METAP1: variants seen among roughly 807,000 people sequenced by gnomAD.
METAP1 encodes the protein methionine aminopeptidase 1.
In METAP1, 28 loss-of-function variants were observed where a neutral mutation model predicts 53.8. The ratio of observed to expected loss-of-function variants is 0.52; its 90% CI spans 0.39 to 0.71. METAP1 has a LOEUF of 0.71. Among genes scored for constraint, METAP1 ranks in the 30% least tolerant of loss-of-function variants. The pLI is 0.00. For missense variants in METAP1, 389 were observed against 479.8 expected, an observed-to-expected ratio of 0.81 and a Z score of 1.77; for synonymous variants, 181 against 165.7, an observed-to-expected ratio of 1.09 and a Z score of -0.71.
At chr4:99,038,359 C>T (rs921277786) in intron 4 of METAP1, among the ~76,000 whole-genome samples, 3 of 151,772 alleles carry the variant, frequency 2.0e-5, no homozygotes, top group Admixed American at 6.6e-5. Flanking sequence ...AATGTTGGTT[C>T]TCAGTTTGAG....
In METAP1 at chr4:99,061,462, C is replaced by A; in HGVS notation, c.*145C>A. The A allele has an allele frequency of 3.0e-6, 2 of 667,510 alleles. No homozygotes were observed. The highest frequency in any genetic ancestry group is 4.6e-6 in the Non-Finnish European group (2 of 432,398). 41.3% of individuals were successfully genotyped at this position (667,510 alleles called of 1,614,324 possible). ...AGGACTACAGCATTTGATGTGTGTC[C>A]TCAAGAACTTGTCTTGGGTCTGAAA... On this transcript the variant is annotated 3_prime_UTR_variant, in exon 11 of 11. Transcript: ENST00000296411.
rs935309843 is a variant in METAP1, at chr4:99,057,944, A to C, written c.997+126A>C. The C allele has an allele frequency of 6.7e-6, 5 of 749,582 alleles. No individual in the cohort carries two copies. The African/African-American group carries it at 7.0e-5, about 11-fold the overall frequency. 46.4% of individuals were successfully genotyped at this position (749,582 alleles called of 1,614,324 possible). ...CCTACTCACTCCCTGTCCCACCTCA[A>C]ACTTGATTCAGTATCGTGAAGAACT... On this transcript the variant is annotated intron_variant, in intron 10 of 10. Transcript: ENST00000296411.
At chr4:99,051,362 A>G (rs1430567856) in intron 9 of METAP1, among the ~76,000 whole-genome samples, 1 of 152,138 alleles carries the variant, frequency 6.6e-6, no homozygotes, top group East Asian at 1.9e-4. Context: ...ACAATTATGA[A>G]AAGAGGAACA....
At chr4:99,022,532 C>T (rs1051262713) in intron 1 of METAP1, 1 of 635,770 alleles carries the variant, frequency 1.6e-6, no homozygotes, top group African/African-American at 1.8e-5. Flanking sequence ...GCAAGATCCC[C>T]ATCAACAGCA....
chr4:99,020,256 A>G (rs1724015879), intron 1 of METAP1, among the ~76,000 whole-genome samples: 1 of 152,190 alleles, frequency 6.6e-6, no homozygotes, highest in South Asian at 2.1e-4. Context: ...GTCATCTAGC[A>G]AAGGCTTAAG....
intron 1 of METAP1, among the ~76,000 whole-genome samples, chr4:99,016,708 G>A (rs1723788304): frequency 6.6e-6 from 1 of 152,198 alleles, no homozygotes; most frequent in African/African-American, 2.4e-5. Flanking sequence ...CTTAGCCTAG[G>A]TGTTCTTCAT....
intron 8 of METAP1, among the ~76,000 whole-genome samples, chr4:99,047,741 A>T (rs1470773527): frequency 6.6e-6 from 1 of 152,184 alleles, no homozygotes; most frequent in Admixed American, 6.5e-5. Flanking sequence ...GTTCTCTAGG[A>T]GTCTGACAGT....
intron 4 of METAP1, among the ~76,000 whole-genome samples, chr4:99,036,673 A>T (rs1725446603): frequency 6.6e-6 from 1 of 152,224 alleles, no homozygotes; most frequent in South Asian, 2.1e-4. Flanking sequence ...TTTTTAGTGA[A>T]TGAAGGTTAT....
chr4:98,998,128 TGTC>T (rs1206767908), intron 1 of METAP1, among the ~76,000 whole-genome samples: 1 of 152,232 alleles, frequency 6.6e-6, no homozygotes, highest in Non-Finnish European at 1.5e-5. Flanking sequence ...CTTTCCGAAG[TGTC>T]ACCTGTCTTC....
At chr4:99,043,010 T>G (rs1031611401) in intron 6 of METAP1, among the ~76,000 whole-genome samples, 2 of 152,172 alleles carry the variant, frequency 1.3e-5, no homozygotes, top group African/African-American at 4.8e-5. Context: ...AACCTGTATG[T>G]CATTTTACTT....
chr4:99,004,466 C>T (rs1266020294), intron 1 of METAP1, among the ~76,000 whole-genome samples: 7 of 33,048 alleles, frequency 2.1e-4, no homozygotes, highest in Non-Finnish European at 5.4e-4. Flanking sequence ...CACACACACA[C>T]ACACACACAC....
chr4:98,995,864 G>T lies in METAP1; in HGVS notation c.111G>T (p.Ser37=). 6.5e-7 allele frequency: 1 copy of T among 1,538,904 alleles called. No homozygotes were observed. The highest frequency in any genetic ancestry group is 8.8e-7 in the Non-Finnish European group (1 of 1,140,602). ...KLGIQGSYFC[S]QECFKGSWAT... is the part of the protein sequence containing the mutation. ...GCATCCAGGGCTCGTACTTCTGCTCGCAGGTAGGCGCCCGCTGCCCCGCGG... is the reference window on the plus strand; with the variant it reads ...GCATCCAGGGCTCGTACTTCTGCTCTCAGGTAGGCGCCCGCTGCCCCGCGG... Residue 37 remains serine, a synonymous_variant, in exon 1 of 11, where the codon TCG becomes TCT. Transcript: ENST00000296411.
intron 1 of METAP1, among the ~76,000 whole-genome samples, chr4:99,002,456 C>T (rs1371130638): frequency 6.6e-6 from 1 of 152,180 alleles, no homozygotes; most frequent in Non-Finnish European, 1.5e-5. Context: ...CATGCTTGGG[C>T]AGGTAGTGCT....
chr4:99,024,725 A>G (rs1724430845), intron 1 of METAP1, among the ~76,000 whole-genome samples: 1 of 152,196 alleles, frequency 6.6e-6, no homozygotes, highest in South Asian at 2.1e-4. Context: ...CCTGAAACAT[A>G]ATTTCTAATC....
chr4:98,999,570 G>T (rs934098142), intron 1 of METAP1, among the ~76,000 whole-genome samples: 6 of 145,790 alleles, frequency 4.1e-5, no homozygotes, highest in African/African-American at 1.3e-4. Flanking sequence ...GAGTGCAGTG[G>T]TGTGATCTCG....
chr4:99,050,459 A>G (rs1329021701), intron 9 of METAP1, among the ~76,000 whole-genome samples: 4 of 152,162 alleles, frequency 2.6e-5, no homozygotes, highest in African/African-American at 9.7e-5. Context: ...AGGTGGTAAA[A>G]TCCTAGACGT....
chr4:99,056,915 T>G (rs1727177571), intron 9 of METAP1, among the ~76,000 whole-genome samples: 4 of 152,156 alleles, frequency 2.6e-5, no homozygotes, highest in Non-Finnish European at 5.9e-5. Context: ...CAGGCTGGAG[T>G]GCAGTGGCGC....
chr4:99,039,198 C>T, intron 4 of METAP1, 176 bp from the exon 5 acceptor site: 15 of 441,750 alleles, frequency 3.4e-5, no homozygotes, highest in South Asian at 4.8e-5. Flanking sequence ...AGCGAGTTTC[C>T]CTTTGATGTT....
intron 1 of METAP1, chr4:99,022,342 A>T: frequency 1.2e-6 from 1 of 855,938 alleles, no homozygotes; most frequent in Non-Finnish European, 1.7e-6. Flanking sequence ...AGATCCCTCC[A>T]TGCTCTCTGA....
Sources: gnomAD v4.1 joint callset for allele counts (sites outside exome capture counted in the v4.1 genomes callset) on GRCh38, gnomAD v4.1.1 for gene constraint, MANE v1.5 for transcripts, NCBI Gene and HGNC (gene_info 2026-07-23, HGNC 2026-07-21) for gene names.